Variants in DENND2B observed in about 807,000 individuals in gnomAD.
The protein encoded by DENND2B is DENN domain-containing protein 2B.
DENND2B carries 32 observed loss-of-function variants against 116.0 expected under a neutral mutation model. The ratio of observed to expected loss-of-function variants is 0.28; its 90% CI spans 0.21 to 0.37. The LOEUF (loss-of-function observed/expected upper bound fraction) is 0.37, where lower values mean the gene tolerates loss of function less well. Among genes scored for constraint, DENND2B ranks in the 10% least tolerant of loss-of-function variants. The probability of loss-of-function intolerance (pLI) is 1.00; values close to 1 mark genes in which losing one functional copy is unlikely to be tolerated. For synonymous variants in DENND2B, 588 were observed against 583.9 expected (o/e 1.01, Z -0.10); for missense variants, 1,276 against 1,477.7 (o/e 0.86, Z 2.24).
intron 1 of DENND2B, among the ~76,000 whole-genome samples, chr11:8,786,652 G>C (rs1259526046): frequency 1.3e-5 from 2 of 152,046 alleles, no homozygotes; most frequent in African/African-American, 2.4e-5. Context: ...TCTACAAAAA[G>C]TTTAAAAATT....
chr11:8,863,920 C>T (rs1160225003), intron 2 of DENND2B, among the ~76,000 whole-genome samples: 1 of 152,068 alleles, frequency 6.6e-6, no homozygotes, highest in Non-Finnish European at 1.5e-5. Flanking sequence ...ACTTAGAATG[C>T]ACTCATCCCT....
chr11:8,821,897 T>G (rs2061782188), intron 4 of DENND2B, among the ~76,000 whole-genome samples: 1 of 152,146 alleles, frequency 6.6e-6, no homozygotes, highest in South Asian at 2.1e-4. Context: ...GCTCAAGCAA[T>G]TCTCCCACCT....
intron 1 of DENND2B, among the ~76,000 whole-genome samples, chr11:8,895,732 GA>G (rs2064093718): frequency 6.6e-6 from 1 of 152,108 alleles, no homozygotes; most frequent in Admixed American, 6.6e-5. Flanking sequence ...AAAATGCTTA[GA>G]AAACTATATT....
rs3752849 is a variant in DENND2B at position 8,707,510 on chromosome 11, A to G, written c.2430+267T>C. Among the ~76,000 whole-genome samples, 14,608 of 152,264 alleles carry G rather than the reference A, an allele frequency of 0.096. 1,019 individuals are homozygous for G. The highest frequency in any genetic ancestry group is 0.2 in the African/African-American group (8,141 of 41,540). The stretch of plus-strand genomic sequence containing the variant: ...CTCCCTGGGCGCTCCTGCTTCCCCA[A>G]GGACTCTGGCTCTGCCTAGGGCCCA... On this transcript the variant is annotated intron_variant, in intron 12 of 19. Transcript: ENST00000313726. This position sits in a 1 kb window ranked among gnomAD's most constrained non-coding sequence, Gnocchi z 4.8.
chr11:8,787,603 C>G (rs1269541084), intron 1 of DENND2B, among the ~76,000 whole-genome samples: 1 of 152,234 alleles, frequency 6.6e-6, no homozygotes, highest in Non-Finnish European at 1.5e-5. Flanking sequence ...GTGTGTCGGT[C>G]AGTCACTCCC....
At chr11:8,708,423 A>G (rs1404413287) in intron 11 of DENND2B, 1 of 748,092 alleles carries the variant, frequency 1.3e-6, no homozygotes, top group Non-Finnish European at 1.6e-6. Flanking sequence ...ACTTTACAAG[A>G]GATTTGTGAG....
chr11:8,888,512 T>C (rs866462049), intron 1 of DENND2B, among the ~76,000 whole-genome samples: 6 of 152,208 alleles, frequency 3.9e-5, no homozygotes, highest in Admixed American at 6.5e-5. Flanking sequence ...AAACGTTGAA[T>C]TGGCAATCAT....
chr11:8,694,005 G>T lies in DENND2B; in HGVS notation c.*91C>A. The T allele has an allele frequency of 7.0e-7, 1 of 1,425,490 alleles. No homozygotes were observed. Among genetic ancestry groups the T allele is most frequent in the Non-Finnish European group, 9.8e-7 (1 of 1,023,012 alleles). 88.3% of individuals were successfully genotyped at this position (1,425,490 alleles called of 1,614,324 possible). ...GAGGATAGGATCTGTGGGGGCAGAGGAGCCACAGCAGCCCAGAGGGTCCCA... is the reference window on the plus strand; with the variant it reads ...GAGGATAGGATCTGTGGGGGCAGAGTAGCCACAGCAGCCCAGAGGGTCCCA... On this transcript the variant is annotated 3_prime_UTR_variant, in exon 20 of 20. Coordinates refer to ENST00000313726, the MANE Select transcript of DENND2B (RefSeq NM_213618.2).
At chr11:8,713,912 T>C in intron 8 of DENND2B, 86 bp downstream of exon 8, 5 of 1,471,354 alleles carry the variant, frequency 3.4e-6, no homozygotes, top group Non-Finnish European at 4.7e-6. Flanking sequence ...TTAGGGACAC[T>C]GGAACCACAC....
At chr11:8,792,527 C>T (rs1431451149) in intron 1 of DENND2B, among the ~76,000 whole-genome samples, 1 of 152,128 alleles carries the variant, frequency 6.6e-6, no homozygotes, top group Non-Finnish European at 1.5e-5. Context: ...ATCAGCAACA[C>T]ATATGGCAAA....
chr11:8,737,277 T>C (rs2049224574), intron 2 of DENND2B, among the ~76,000 whole-genome samples: 1 of 152,156 alleles, frequency 6.6e-6, no homozygotes, highest in Non-Finnish European at 1.5e-5. Context: ...GACGTTCCAG[T>C]GTGTTGGGGT....
upstream of DENND2B, among the ~76,000 whole-genome samples, chr11:8,813,148 A>G (rs1316798004): frequency 6.6e-6 from 1 of 152,176 alleles, no homozygotes; most frequent in Non-Finnish European, 1.5e-5. Context: ...AATTTCCAGC[A>G]TATCACAACA....
intron 4 of DENND2B, among the ~76,000 whole-genome samples, chr11:8,829,319 G>A (rs1284937185): frequency 2.6e-5 from 4 of 152,078 alleles, no homozygotes; most frequent in Non-Finnish European, 4.4e-5. Flanking sequence ...TGGCCACAGC[G>A]CAATTCAGCA....
chr11:8,718,386 C>G (rs942275705), intron 4 of DENND2B: 1 of 1,535,410 alleles, frequency 6.5e-7, no homozygotes, highest in Non-Finnish European at 8.7e-7. Context: ...GAGGAACTCA[C>G]AGAACCGTAG....
Position 8,717,911 on chromosome 11 carries a change from TAGAGAA to T in DENND2B, c.1478-25_1478-20del. 1.9e-6 allele frequency: 3 copies of T among 1,601,594 alleles called. No individual in the cohort carries two copies. Among genetic ancestry groups the T allele is most frequent in the Non-Finnish European group, 2.6e-6 (3 of 1,172,278 alleles). The stretch of plus-strand genomic sequence containing the variant: ...AGATCTCCTGCAGAGGAGGAAGAGT[TAGAGAA>T]GGGGGAGAAGGGAAGAAGGAAACAC... On this transcript the variant is annotated intron_variant, in intron 4 of 19. Transcript: ENST00000313726.
At chr11:8,874,666 A>G (rs902444863), upstream of DENND2B, among the ~76,000 whole-genome samples, 1 of 151,948 alleles carries the variant, frequency 6.6e-6, no homozygotes, top group Non-Finnish European at 1.5e-5. Context: ...CATTCCTATA[A>G]TGCCATTATT....
chr11:8,717,874 T>G lies in DENND2B; in HGVS notation c.1496A>C (p.Asn499Thr). The G allele has an allele frequency of 6.2e-7, 1 of 1,611,758 alleles. No individual in the cohort carries two copies. The highest frequency in any genetic ancestry group is 8.5e-7 in the Non-Finnish European group (1 of 1,178,970). Reference sequence around the variant, plus strand: ...CTTTAAGTCCACATCCTCATATGGATTCTCCTTGGGCAGATCTCCTGCAGA... The same window carrying G: ...CTTTAAGTCCACATCCTCATATGGAGTCTCCTTGGGCAGATCTCCTGCAGA... ...EDIVGDLPKE[N>T]PYEDVDLKSR... The change falls in exon 5 of 20, where the codon AAT becomes ACT. Residue 499 changes from asparagine to threonine, a missense_variant. Coordinates refer to ENST00000313726, the MANE Select transcript of DENND2B (RefSeq NM_213618.2).
intron 3 of DENND2B, among the ~76,000 whole-genome samples, chr11:8,852,421 C>G (rs1330896429): frequency 1.3e-5 from 2 of 152,120 alleles, no homozygotes; most frequent in Non-Finnish European, 2.9e-5. Context: ...GGCTTGAGAC[C>G]AAGAGATTGA....
chr11:8,707,296 G>T lies in DENND2B; in HGVS notation c.2431-71C>A. The T allele has an allele frequency of 1.3e-6, 2 of 1,550,854 alleles. No individual in the cohort carries two copies. The highest frequency in any genetic ancestry group is 1.2e-5 in the South Asian group (1 of 81,092). ...TGCCCTTCCCCCTCCTGGCAGAGAAGAGGGCAGCCAAGCATCTGACCAGGC... is the reference window on the plus strand; with the variant it reads ...TGCCCTTCCCCCTCCTGGCAGAGAATAGGGCAGCCAAGCATCTGACCAGGC... On this transcript the variant is annotated intron_variant, in intron 12 of 19. Transcript: ENST00000313726. This position sits in a 1 kb window ranked among gnomAD's most constrained non-coding sequence, Gnocchi z 4.8.
Sources: allele counts gnomAD v4.1 joint callset (sites outside exome capture counted in the v4.1 genomes callset), GRCh38; gene constraint gnomAD v4.1.1; non-coding constraint Gnocchi (gnomAD v3.1); transcripts MANE v1.5; gene names NCBI Gene and HGNC (gene_info 2026-07-23, HGNC 2026-07-21).